Variants in LRRC18 observed in about 807,000 individuals in gnomAD.
LRRC18 encodes the protein leucine rich repeat containing 18.
A neutral mutation model predicts 11.2 loss-of-function variants in LRRC18; 12 were observed. That is an observed-to-expected ratio of 1.07 (90% CI 0.69 to 1.74). The LOEUF (loss-of-function observed/expected upper bound fraction) is 1.74. Among genes scored for constraint, LRRC18 ranks in the 40% most tolerant of loss-of-function variants. LRRC18 has a pLI of 0.00. For missense variants in LRRC18, 374 were observed against 330.5 expected (o/e 1.13, Z -1.02); for synonymous variants, 155 against 130.6 (o/e 1.19, Z -1.27).
the LRRC18 span, among the ~76,000 whole-genome samples, chr10:48,937,551 C>A: frequency 6.6e-6 from 1 of 152,170 alleles, no homozygotes; most frequent in Non-Finnish European, 1.5e-5. Flanking sequence ...ATATCTTCAT[C>A]TGTTAATGGA....
At chr10:48,930,872 A>G in the LRRC18 span, among the ~76,000 whole-genome samples, 1 of 152,308 alleles carries the variant, frequency 6.6e-6, no homozygotes, top group Admixed American at 6.5e-5. Context: ...TGTCCGTGTG[A>G]GCCCTGTGTT....
chr10:48,918,257 C>A (rs540755701), upstream of LRRC18, among the ~76,000 whole-genome samples: 16 of 152,184 alleles, frequency 1.1e-4, no homozygotes, highest in Admixed American at 9.8e-4. Context: ...GTGAAAGTGA[C>A]CTACATGCTC....
chr10:48,916,244 CTT>C (rs1233028064), upstream of LRRC18, among the ~76,000 whole-genome samples: 37 of 152,332 alleles, frequency 2.4e-4, no homozygotes, highest in Non-Finnish European at 2.9e-5. Flanking sequence ...GAACACAAAA[CTT>C]TGCACCAGAT....
the LRRC18 span, among the ~76,000 whole-genome samples, chr10:48,937,996 G>A: frequency 3.3e-5 from 5 of 152,166 alleles, no homozygotes; most frequent in Non-Finnish European, 7.3e-5. Flanking sequence ...GCCTGGCAAT[G>A]GCCAAGCTGG....
At chr10:48,934,071 T>A in the LRRC18 span, among the ~76,000 whole-genome samples, 2 of 152,148 alleles carry the variant, frequency 1.3e-5, no homozygotes, top group African/African-American at 4.8e-5. Context: ...CCAGAAGGCA[T>A]GTGATCAGAG....
At chr10:48,928,058 A>C in the LRRC18 span, among the ~76,000 whole-genome samples, 3,324 of 152,224 alleles carry the variant, frequency 0.022, 124 homozygotes, top group African/African-American at 0.076. Context: ...CATTCCACCC[A>C]ATGTGTTTTA....
At chr10:48,928,377 T>TGTGTGG in the LRRC18 span, among the ~76,000 whole-genome samples, 1 of 151,124 alleles carries the variant, frequency 6.6e-6, no homozygotes, top group East Asian at 1.9e-4. Context: ...TGTGTGTGTG[T>TGTGTGG]GTGTGTGTGT....
chr10:48,935,332 A>G, the LRRC18 span: 61,722 of 152,114 alleles, frequency 0.41, 14,239 homozygotes, highest in Non-Finnish European at 0.52. Flanking sequence ...TAATTTCCCG[A>G]CAGCCTGGCT....
At chr10:48,920,681 A>C in the LRRC18 span, among the ~76,000 whole-genome samples, 1 of 152,238 alleles carries the variant, frequency 6.6e-6, no homozygotes, top group African/African-American at 2.4e-5. Context: ...TAATGCAAAA[A>C]ATAAAGGCAT....
the LRRC18 span, among the ~76,000 whole-genome samples, chr10:48,927,769 C>T: frequency 5.9e-5 from 9 of 152,310 alleles, no homozygotes; most frequent in East Asian, 5.8e-4. Flanking sequence ...AGAGGTCACA[C>T]GGCCCAATAA....
At chr10:48,934,813 G>A in the LRRC18 span, among the ~76,000 whole-genome samples, 4 of 152,192 alleles carry the variant, frequency 2.6e-5, no homozygotes, top group South Asian at 8.3e-4. Context: ...CGCCTAGCCT[G>A]TAGAGCAGCA....
chr10:48,920,952 G>C, the LRRC18 span, among the ~76,000 whole-genome samples: 1 of 152,106 alleles, frequency 6.6e-6, no homozygotes, highest in Non-Finnish European at 1.5e-5. Context: ...ACCAAAATAT[G>C]CAGGATTTTT....
exon 1 of LRRC18, chr10:48,914,167 A>AAGGG (rs1448267921): frequency 6.2e-7 from 1 of 1,608,086 alleles, no homozygotes; most frequent in Admixed American, 1.7e-5. Flanking sequence ...TTCTTTTAGT[A>AAGGG]AGGGAGTGTT....
chr10:48,910,762 GGAGT>G (rs1837925029), intron 1 of LRRC18: 1 of 194,240 alleles, frequency 5.1e-6, no homozygotes, highest in African/African-American at 2.4e-5. Context: ...GAGCAAGGCT[GGAGT>G]GAGTGTCAGG....
chr10:48,920,492 T>C, the LRRC18 span, among the ~76,000 whole-genome samples: 1 of 151,758 alleles, frequency 6.6e-6, no homozygotes, highest in Non-Finnish European at 1.5e-5. Context: ...GTTGTGCACA[T>C]ATACCCTAAA....
At chr10:48,910,107 C>A (rs1837862092) in exon 2 of LRRC18, 3 of 840,202 alleles carry the variant, frequency 3.6e-6, no homozygotes, top group Admixed American at 1.9e-5. Context: ...GGTGGCTTGG[C>A]CAGCTCCGGC....
intron 1 of LRRC18, among the ~76,000 whole-genome samples, chr10:48,912,658 C>A (rs1789437711): frequency 6.6e-6 from 1 of 152,200 alleles, no homozygotes; most frequent in Admixed American, 6.5e-5. Context: ...ATTGAATGCA[C>A]CAATCCATAC....
At chr10:48,914,221 A>G (rs1349282347) in exon 1 of LRRC18, 16 of 1,509,594 alleles carry the variant, frequency 1.1e-5, no homozygotes, top group Admixed American at 2.0e-5. Flanking sequence ...TGTGAGGAAA[A>G]ATCATGAAAA....
At chr10:48,924,538 AATAG>A in the LRRC18 span, among the ~76,000 whole-genome samples, 6 of 152,380 alleles carry the variant, frequency 3.9e-5, no homozygotes, top group Admixed American at 1.3e-4. Context: ...TTGGATGGAT[AATAG>A]ATTTCATTTC....
Sources: allele counts gnomAD v4.1 joint callset (sites outside exome capture counted in the v4.1 genomes callset), GRCh38; gene constraint gnomAD v4.1.1; transcripts MANE v1.5; gene names NCBI Gene and HGNC (gene_info 2026-07-23, HGNC 2026-07-21).